ANO3: variants seen among roughly 807,000 people sequenced by gnomAD.
ANO3 encodes anoctamin-3.
Under a neutral mutation model 144.8 loss-of-function variants are expected in ANO3, and 99 were observed. The ratio of observed to expected loss-of-function variants is 0.68; its 90% CI spans 0.58 to 0.81. The LOEUF is 0.81. ANO3 is among the 30% of genes least tolerant of loss of function. The probability of loss-of-function intolerance (pLI) is 0.00; values close to 1 mark genes in which losing one functional copy is unlikely to be tolerated. For missense variants in ANO3, 905 were observed against 1,202.2 expected (o/e 0.75, Z 3.66); for synonymous variants, 414 against 392.6 (o/e 1.05, Z -0.64).
intron 17 of ANO3, among the ~76,000 whole-genome samples, chr11:26,619,659 G>A (rs1852357849): frequency 6.6e-6 from 1 of 151,910 alleles, no homozygotes; most frequent in Non-Finnish European, 1.5e-5. Context: ...TAGAGATAGG[G>A]TTTCACCATG....
chr11:26,294,810 A>C (rs1372210305), intron 1 of ANO3, among the ~76,000 whole-genome samples: 1 of 152,184 alleles, frequency 6.6e-6, no homozygotes, highest in Admixed American at 6.5e-5. Context: ...AGACATCAAC[A>C]TATCTGCGGC....
In ANO3 at chr11:26,443,856, T is replaced by C; in HGVS notation, c.313+20T>C. The C allele has an allele frequency of 6.5e-7, 1 of 1,546,650 alleles. No homozygotes were observed. The highest frequency in any genetic ancestry group is 8.9e-7 in the Non-Finnish European group (1 of 1,122,600). On this transcript the variant is annotated intron_variant, in intron 3 of 26. Transcript: ENST00000256737. ...GTTTGGGTAAGTTGATAATCAGTATTTACCTACTCCTTTCCCTCTCTCCAA... is the reference window on the plus strand; with the variant it reads ...GTTTGGGTAAGTTGATAATCAGTATCTACCTACTCCTTTCCCTCTCTCCAA...
At chr11:26,245,484 T>C (rs1852770159) in intron 1 of ANO3, among the ~76,000 whole-genome samples, 2 of 152,206 alleles carry the variant, frequency 1.3e-5, no homozygotes, top group East Asian at 1.9e-4. Flanking sequence ...ATTACTTTCT[T>C]ATGTAAGGTA....
chr11:26,656,277 C>T (rs1352061138), intron 25 of ANO3, 72 bp downstream of exon 25: 1 of 1,482,672 alleles, frequency 6.7e-7, no homozygotes, highest in Non-Finnish European at 9.4e-7. Flanking sequence ...TTAATGAGGA[C>T]ATTTAAACTG....
At chr11:26,489,392 G>T (rs1043994809) in intron 4 of ANO3, among the ~76,000 whole-genome samples, 1 of 152,226 alleles carries the variant, frequency 6.6e-6, no homozygotes, top group African/African-American at 2.4e-5. Flanking sequence ...TGTTGCAGGG[G>T]TGCAGCCCTC....
chr11:26,209,438 G>C (rs1474457260), intron 1 of ANO3, among the ~76,000 whole-genome samples: 1 of 152,202 alleles, frequency 6.6e-6, no homozygotes, highest in Non-Finnish European at 1.5e-5. Context: ...ATTGTGAACA[G>C]TGCTGCAATA....
At chr11:26,592,390 A>C (rs1204164557) in intron 14 of ANO3, among the ~76,000 whole-genome samples, 1 of 151,952 alleles carries the variant, frequency 6.6e-6, no homozygotes, top group African/African-American at 2.4e-5. Context: ...GGGTTACTGA[A>C]GCCTTGAAAG....
chr11:26,646,376 A>T (rs1853346912), intron 23 of ANO3, among the ~76,000 whole-genome samples: 1 of 152,146 alleles, frequency 6.6e-6, no homozygotes, highest in African/African-American at 2.4e-5. Context: ...AGTACATATC[A>T]TATATATGTG....
intron 1 of ANO3, among the ~76,000 whole-genome samples, chr11:26,377,084 G>A (rs1236894254): frequency 3.3e-5 from 5 of 152,134 alleles, no homozygotes; most frequent in African/African-American, 1.2e-4. Flanking sequence ...GGTTGGTACT[G>A]TCCCTGTGCA....
At chr11:26,573,447 A>G (rs958819826) in intron 14 of ANO3, among the ~76,000 whole-genome samples, 1 of 152,196 alleles carries the variant, frequency 6.6e-6, no homozygotes, top group African/African-American at 2.4e-5. Context: ...GCTTATTTTC[A>G]GATTAGCCAC....
At chr11:26,469,398 AAT>A (rs1443491479) in intron 4 of ANO3, among the ~76,000 whole-genome samples, 1 of 151,964 alleles carries the variant, frequency 6.6e-6, no homozygotes, top group African/African-American at 2.4e-5. Flanking sequence ...TCAGGAAATA[AAT>A]ATTAATCATT....
chr11:26,482,384 C>G (rs1226180859), intron 4 of ANO3, among the ~76,000 whole-genome samples: 3 of 150,240 alleles, frequency 2.0e-5, no homozygotes, highest in African/African-American at 7.3e-5. Context: ...ACAAATCTAA[C>G]ATTTTAATTT....
intron 1 of ANO3, among the ~76,000 whole-genome samples, chr11:26,302,087 A>T (rs1229184676): frequency 6.6e-6 from 1 of 152,242 alleles, no homozygotes; most frequent in African/African-American, 2.4e-5. Context: ...TCCAGTCATC[A>T]TGTGCTGTCT....
chr11:26,425,064 A>AAG, intron 1 of ANO3, among the ~76,000 whole-genome samples: 1 of 141,242 alleles, frequency 7.1e-6, no homozygotes, highest in South Asian at 2.6e-4. Flanking sequence ...CCGGGGTGTG[A>AAG]TGTTCCCCTT....
At chr11:26,469,434 A>T (rs561950846) in intron 4 of ANO3, among the ~76,000 whole-genome samples, 2 of 152,132 alleles carry the variant, frequency 1.3e-5, no homozygotes, top group East Asian at 3.9e-4. Flanking sequence ...ATGTTCTCAC[A>T]ACAACTAGTC....
At chr11:26,476,903 ATG>A (rs61676196) in intron 4 of ANO3, among the ~76,000 whole-genome samples, 36,668 of 141,192 alleles carry the variant, frequency 0.26, 4,651 homozygotes, top group South Asian at 0.38. Flanking sequence ...GTGTGTGTGT[ATG>A]TGTGTGTGTG....
chr11:26,450,285 C>G (rs1858879354), intron 3 of ANO3, among the ~76,000 whole-genome samples: 1 of 152,110 alleles, frequency 6.6e-6, no homozygotes, highest in African/African-American at 2.4e-5. Context: ...GTAGAAAACA[C>G]TAGCACACTG....
intron 1 of ANO3, among the ~76,000 whole-genome samples, chr11:26,325,190 A>G (rs950463901): frequency 6.6e-6 from 1 of 152,202 alleles, no homozygotes; most frequent in African/African-American, 2.4e-5. Context: ...CTTAGGGCTT[A>G]TGTCACCAGT....
chr11:26,377,857 T>C (rs1856457789), intron 1 of ANO3, among the ~76,000 whole-genome samples: 1 of 152,074 alleles, frequency 6.6e-6, no homozygotes, highest in African/African-American at 2.4e-5. Flanking sequence ...TATCAGACAG[T>C]GGTACAAATA....
Sources: gnomAD v4.1 joint callset for allele counts (sites outside exome capture counted in the v4.1 genomes callset) on GRCh38, gnomAD v4.1.1 for gene constraint, MANE v1.5 for transcripts, NCBI Gene and HGNC (gene_info 2026-07-23, HGNC 2026-07-21) for gene names.